Variants in CCDC150 observed in about 807,000 individuals in gnomAD.
CCDC150 encodes the protein coiled-coil domain-containing protein 150.
CCDC150 carries 151 observed loss-of-function variants against 156.5 expected under a neutral mutation model. The observed-to-expected ratio is 0.97, with a 90% confidence interval of 0.85 to 1.10. CCDC150 has a LOEUF of 1.10. Among genes scored for constraint, CCDC150 ranks in the 50% least tolerant of loss-of-function variants. The pLI, the probability that CCDC150 is intolerant of heterozygous loss-of-function variation, is 0.00. For missense variants in CCDC150, 1,312 were observed against 1,268.1 expected (o/e 1.03, Z -0.53); for synonymous variants, 452 against 429.4 (o/e 1.05, Z -0.65).
rs761320121 is a variant in CCDC150 at position 196,676,552 on chromosome 2, A to G, written c.1263-2A>G. The G allele has an allele frequency of 6.2e-7, 1 of 1,610,222 alleles. No individual in the cohort carries two copies. The highest frequency in any genetic ancestry group is 1.7e-5 in the Admixed American group (1 of 59,456). On this transcript the variant is annotated splice_acceptor_variant, in intron 11 of 27. Coordinates refer to ENST00000389175, the MANE Select transcript of CCDC150 (RefSeq NM_001080539.2). LOFTEE classifies it high-confidence loss of function. ...TCATATGTTCTTGATCTCTTCCTGCAGGGATCATTTAATCCTTGAGCATAA... is the reference window on the plus strand; with the variant it reads ...TCATATGTTCTTGATCTCTTCCTGCGGGGATCATTTAATCCTTGAGCATAA...
chr2:196,644,308 CT>C (rs1415093495), intron 1 of CCDC150, among the ~76,000 whole-genome samples: 5 of 152,098 alleles, frequency 3.3e-5, no homozygotes, highest in Non-Finnish European at 7.4e-5. Flanking sequence ...TTCTCCCCAT[CT>C]TTGGCATGAT....
At chr2:196,643,898 T>C (rs1223486724) in intron 1 of CCDC150, among the ~76,000 whole-genome samples, 2 of 152,200 alleles carry the variant, frequency 1.3e-5, no homozygotes, top group Non-Finnish European at 2.9e-5. Flanking sequence ...GTTTTTTATC[T>C]CACATAAGCA....
At chr2:196,726,995 C>CA (rs1276611397) in intron 22 of CCDC150, 1 of 152,056 alleles carries the variant, frequency 6.6e-6, no homozygotes, top group African/African-American at 2.4e-5. Flanking sequence ...AAACTGGAGG[C>CA]ATGGAGGCTC....
chr2:196,722,205 G>A (rs1697960525), intron 21 of CCDC150, among the ~76,000 whole-genome samples: 1 of 152,156 alleles, frequency 6.6e-6, no homozygotes, highest in Admixed American at 6.5e-5. Context: ...TAAATATTTA[G>A]ATAATAATAG....
At chr2:196,731,427 C>A (rs1201086810) in intron 26 of CCDC150, among the ~76,000 whole-genome samples, 2 of 144,430 alleles carry the variant, frequency 1.4e-5, no homozygotes, top group African/African-American at 2.6e-5. Flanking sequence ...GGGTCTCACT[C>A]TGTCACCAGG....
At chr2:196,716,616 GA>G (rs1697519405) in intron 17 of CCDC150, among the ~76,000 whole-genome samples, 1 of 152,162 alleles carries the variant, frequency 6.6e-6, no homozygotes, top group Admixed American at 6.5e-5. Flanking sequence ...AATAGAGAGA[GA>G]CAGAAGGGGA....
At position 196,718,503 on chromosome 2, in the gene CCDC150, G is replaced by C; in HGVS notation, c.1867G>C (p.Val623Leu). ...LQQADAHLKE[V>L]KSILERSKEE... The stretch of plus-strand genomic sequence containing the variant: ...TTATTGTTTCTTTTTTCCTACTTAG[G>C]TGAAATCTATTCTTGAAAGAAGTAA... The change falls in exon 18 of 28, where the codon GTG becomes CTG. Residue 623 changes from valine to leucine, a missense_variant and splice_region_variant. Val to Leu is a conservative substitution (Grantham distance 32, BLOSUM62 1). Transcript: ENST00000389175. The C allele has an allele frequency of 6.2e-7, 1 of 1,602,554 alleles. No homozygotes were observed. The highest frequency in any genetic ancestry group is 8.5e-7 in the Non-Finnish European group (1 of 1,173,640).
Position 196,718,598 on chromosome 2 carries a change from C to T in CCDC150, c.1962C>T (p.Asp654=), listed in dbSNP as rs551763441. 3 of 1,613,680 alleles carry T rather than the reference C, an allele frequency of 1.9e-6. No homozygotes were observed. The highest frequency in any genetic ancestry group is 2.7e-5 in the African/African-American group (2 of 75,020). The part of the protein sequence containing the change: ...ALKESQKLKE[D]LEAVEDRENK... ...AAGAGAGTCAGAAGTTGAAAGAAGACCTCGAGGCTGTGGAGGACAGGGAAA... is the reference window on the plus strand; with the variant it reads ...AAGAGAGTCAGAAGTTGAAAGAAGATCTCGAGGCTGTGGAGGACAGGGAAA... The change falls in exon 18 of 28, where the codon GAC becomes GAT. Residue 654 remains aspartate (D), a synonymous_variant. Coordinates refer to ENST00000389175, the MANE Select transcript of CCDC150 (RefSeq NM_001080539.2).
chr2:196,709,625 C>T (rs1259761699), intron 15 of CCDC150, among the ~76,000 whole-genome samples: 1 of 152,168 alleles, frequency 6.6e-6, no homozygotes, highest in Non-Finnish European at 1.5e-5. Context: ...GCTCTGGTTT[C>T]TCCCCATCTT....
At chr2:196,680,296 C>G (rs1372173753) in intron 13 of CCDC150, among the ~76,000 whole-genome samples, 2 of 151,898 alleles carry the variant, frequency 1.3e-5, no homozygotes, top group African/African-American at 4.8e-5. Flanking sequence ...AGGTATTGTT[C>G]AGGGTTCATT....
rs1169828043 is a variant in CCDC150, at chr2:196,657,082, A to G, written c.522A>G (p.Ala174=). 1 of 1,613,884 alleles carries G rather than the reference A, an allele frequency of 6.2e-7. No individual in the cohort carries two copies. Among genetic ancestry groups the G allele is most frequent in the Admixed American group, 1.7e-5 (1 of 60,018 alleles). ...LRAVKEEEDK[A]QDEVQRLTAT... Reference sequence around the variant, plus strand: ...CTGTAAAAGAGGAAGAAGACAAGGCACAAGATGAGGTGCAAAGGTTGACTG... The same window carrying G: ...CTGTAAAAGAGGAAGAAGACAAGGCGCAAGATGAGGTGCAAAGGTTGACTG... Residue 174 remains alanine, a synonymous_variant, in exon 4 of 28, where the codon GCA becomes GCG. Transcript: ENST00000389175.
Position 196,657,098 on chromosome 2 carries a change from AGGTTG to A in CCDC150, c.539_543del (p.Arg180AsnfsTer18). On this transcript the variant is annotated frameshift_variant, in exon 4 of 28. Coordinates refer to ENST00000389175, the MANE Select transcript of CCDC150 (RefSeq NM_001080539.2). LOFTEE classifies it high-confidence loss of function. ...AGACAAGGCACAAGATGAGGTGCAA[AGGTTG>A]ACTGCCACTCTGAAGATTGCCTCGC... 1.2e-6 allele frequency: 2 copies of A among 1,613,832 alleles called. No homozygotes were observed. Among genetic ancestry groups the A allele is most frequent in the Non-Finnish European group, 1.7e-6 (2 of 1,179,742 alleles).
At chr2:196,713,179 G>T (rs754263348) in intron 17 of CCDC150, 12 of 992,210 alleles carry the variant, frequency 1.2e-5, no homozygotes, top group Admixed American at 1.1e-4. Flanking sequence ...CTGTTTCTTT[G>T]CTGGGTCATA....
intron 14 of CCDC150, among the ~76,000 whole-genome samples, chr2:196,696,569 T>A (rs953528689): frequency 6.6e-6 from 1 of 152,212 alleles, no homozygotes; most frequent in African/African-American, 2.4e-5. Context: ...GATTTTTGCC[T>A]GCCTACCATG....
intron 14 of CCDC150, among the ~76,000 whole-genome samples, chr2:196,697,538 T>C (rs1173654183): frequency 1.3e-5 from 2 of 152,210 alleles, no homozygotes; most frequent in Admixed American, 1.3e-4. Flanking sequence ...ACTGGGACTT[T>C]AATGACTTGA....
rs1327395420 is a variant in CCDC150 at position 196,725,967 on chromosome 2, A to G, written c.2430-6A>G. 6.3e-7 allele frequency: 1 copy of G among 1,588,732 alleles called. No individual in the cohort carries two copies. The highest frequency in any genetic ancestry group is 1.3e-5 in the African/African-American group (1 of 74,418). Reference sequence around the variant, plus strand: ...GGTGACTTATCACCTCTCTTCTTCAAAACAGAGACCGGATGACTGAAGAGT... The same window carrying G: ...GGTGACTTATCACCTCTCTTCTTCAGAACAGAGACCGGATGACTGAAGAGT... On this transcript the variant is annotated splice_region_variant and splice_polypyrimidine_tract_variant and intron_variant, in intron 21 of 27. Coordinates refer to ENST00000389175, the MANE Select transcript of CCDC150 (RefSeq NM_001080539.2).
intron 5 of CCDC150, among the ~76,000 whole-genome samples, chr2:196,664,622 T>G (rs7602122): frequency 0.59 from 89,000 of 152,036 alleles, 29,590 homozygotes; most frequent in East Asian, 0.92. Flanking sequence ...ATAGGCATGA[T>G]TGATTAAATC....
chr2:196,681,847 A>G (rs1478784092), intron 13 of CCDC150, among the ~76,000 whole-genome samples: 5 of 152,206 alleles, frequency 3.3e-5, no homozygotes, highest in African/African-American at 4.8e-5. Context: ...AGTTTTTTAC[A>G]TATTTTAGAT....
At chr2:196,694,844 AGAGT>A (rs1459957708) in intron 13 of CCDC150, among the ~76,000 whole-genome samples, 198 bp from the exon 14 acceptor site, 1 of 152,218 alleles carries the variant, frequency 6.6e-6, no homozygotes, top group Non-Finnish European at 1.5e-5. Context: ...CCTGGGTGAC[AGAGT>A]GAGACTACGT....
Sources: gnomAD v4.1 joint callset for allele counts (sites outside exome capture counted in the v4.1 genomes callset) on GRCh38, gnomAD v4.1.1 for gene constraint, MANE v1.5 for transcripts, NCBI Gene and HGNC (gene_info 2026-07-23, HGNC 2026-07-21) for gene names.